The following OPCML variants were observed in gnomAD, a reference collection of about 807,000 sequenced individuals.
OPCML encodes the protein opioid binding protein/cell adhesion molecule like.
A neutral mutation model predicts 37.8 loss-of-function variants in OPCML; 13 were observed. The observed-to-expected ratio is 0.34, with a 90% CI of 0.22 to 0.55. The LOEUF (loss-of-function observed/expected upper bound fraction) is 0.55. Among genes scored for constraint, OPCML ranks in the 20% least tolerant of loss-of-function variants. OPCML has a pLI of 0.91. For synonymous variants in OPCML, 176 were observed against 168.8 expected, an observed-to-expected ratio of 1.04 and a Z score of -0.33; for missense variants, 341 against 435.6, an observed-to-expected ratio of 0.78 and a Z score of 1.93.
intron 1 of OPCML, among the ~76,000 whole-genome samples, chr11:133,372,018 G>A (rs1944685735): frequency 6.6e-6 from 1 of 152,112 alleles, no homozygotes; most frequent in Non-Finnish European, 1.5e-5. Context: ...CAGAGGCTGA[G>A]AAGGGTGTGG....
At chr11:132,769,602 C>T (rs150515217) in intron 2 of OPCML, among the ~76,000 whole-genome samples, 201 of 152,322 alleles carry the variant, frequency 1.3e-3, no homozygotes, top group Admixed American at 3.2e-3. Context: ...TCAAAGTAGA[C>T]GCTGCCTTTG....
rs546647217 is a variant in OPCML at position 132,530,778 on chromosome 11, C to T, written c.380-1592G>A. 1.2e-4 allele frequency among the ~76,000 whole-genome samples: 19 copies of T among 152,258 alleles called. No individual in the cohort carries two copies. In the South Asian group the frequency reaches 3.7e-3, roughly 30 times the overall value. Reference sequence around the variant, plus strand: ...CAAACCTCATCTCAGGCCCTGTTTCCTCTAACACAGTACATGGCACACACT... The same window carrying T: ...CAAACCTCATCTCAGGCCCTGTTTCTTCTAACACAGTACATGGCACACACT... On this transcript the variant is annotated intron_variant, in intron 3 of 7. Transcript: ENST00000524381.
In OPCML at chr11:132,451,237, C is replaced by A. The variant is rs183068145; in HGVS notation, c.506-13878G>T. 1.2e-3 allele frequency among the ~76,000 whole-genome samples: 187 copies of A among 152,286 alleles called. 1 individual carries two copies. The highest frequency in any genetic ancestry group is 4.1e-3 in the African/African-American group (172 of 41,560). On this transcript the variant is annotated intron_variant, in intron 4 of 7. Transcript: ENST00000524381. The stretch of plus-strand genomic sequence containing the variant: ...TATTACTGAGCTGAACATAATTTTT[C>A]TATCACCAGCAGATTGTAAATGGGG...
At chr11:133,226,161 G>C (rs1231592696) in intron 1 of OPCML, among the ~76,000 whole-genome samples, 1 of 152,232 alleles carries the variant, frequency 6.6e-6, no homozygotes, top group African/African-American at 2.4e-5. Flanking sequence ...TTTTCTTCCA[G>C]TGCTATGATT....
At chr11:132,799,801 T>C (rs544480567) in intron 2 of OPCML, among the ~76,000 whole-genome samples, 5 of 152,304 alleles carry the variant, frequency 3.3e-5, no homozygotes, top group African/African-American at 1.2e-4. Context: ...TCTGTTCTTA[T>C]GCCAGTATGA....
intron 2 of OPCML, among the ~76,000 whole-genome samples, chr11:132,681,883 A>G (rs1199730519): frequency 1.3e-5 from 2 of 151,620 alleles, no homozygotes; most frequent in Non-Finnish European, 2.9e-5. Context: ...TGAACCCGGG[A>G]GGTGGAGCTT....
intron 1 of OPCML, among the ~76,000 whole-genome samples, chr11:133,371,592 C>T (rs1944677523): frequency 6.6e-6 from 1 of 152,154 alleles, no homozygotes; most frequent in Non-Finnish European, 1.5e-5. Flanking sequence ...GTTTACCCTG[C>T]TCTCCTCTAT....
rs912413421 is a variant in OPCML, at chr11:133,109,714, C to T, written c.62-166704G>A. On this transcript the variant is annotated intron_variant, in intron 1 of 7. Coordinates refer to ENST00000524381, the MANE Select transcript of OPCML (RefSeq NM_001012393.5). ...TTGGGTAGTCTACCTGGTGACCTGA[C>T]CTCTTTGGCATTGCCTCAGGACTTA... Among the ~76,000 whole-genome samples, 3 of 152,162 alleles carry T rather than the reference C, an allele frequency of 2.0e-5. No individual in the cohort carries two copies. The East Asian group carries it at 5.8e-4, about 29-fold the overall frequency.
At chr11:132,972,688 G>A (rs893720014) in intron 1 of OPCML, among the ~76,000 whole-genome samples, 2 of 152,100 alleles carry the variant, frequency 1.3e-5, no homozygotes, top group African/African-American at 4.8e-5. Context: ...TATTGCCACA[G>A]TAGCAATGCG....
chr11:133,454,844 C>T lies in OPCML; in HGVS notation c.61+77420G>A, dbSNP rs542514269. On this transcript the variant is annotated intron_variant, in intron 1 of 7. Transcript: ENST00000524381. ...AAGGATGTATCACTTATCAACATTT[C>T]CTTTCTTGATACTATAAAAAAGGAC... Among the ~76,000 whole-genome samples the T allele has an allele frequency of 2.6e-5, 4 of 152,206 alleles. No individual in the cohort carries two copies. The South Asian group carries it at 8.3e-4, about 32-fold the overall frequency.
chr11:133,145,313 T>A (rs1949882276), intron 1 of OPCML, among the ~76,000 whole-genome samples: 1 of 152,170 alleles, frequency 6.6e-6, no homozygotes, highest in South Asian at 2.1e-4. Context: ...TGAAATTTAC[T>A]GAAGCTTTGC....
At chr11:133,083,136 A>ACACACACG (rs1387989301) in intron 1 of OPCML, among the ~76,000 whole-genome samples, 1 of 147,728 alleles carries the variant, frequency 6.8e-6, no homozygotes, top group African/African-American at 2.5e-5. Context: ...CACACCACGC[A>ACACACACG]CACACACGCA....
intron 2 of OPCML, among the ~76,000 whole-genome samples, chr11:132,721,153 A>G (rs1944660144): frequency 1.3e-5 from 2 of 152,184 alleles, no homozygotes; most frequent in African/African-American, 2.4e-5. Context: ...GTGTTTATTC[A>G]ATGCTGGAGA....
At chr11:133,164,863 G>A (rs1158060982) in intron 1 of OPCML, among the ~76,000 whole-genome samples, 1 of 152,170 alleles carries the variant, frequency 6.6e-6, no homozygotes, top group African/African-American at 2.4e-5. Context: ...AAACCAAACT[G>A]CATCCTCTGG....
intron 4 of OPCML, among the ~76,000 whole-genome samples, chr11:132,466,357 G>C (rs926868337): frequency 6.6e-5 from 10 of 150,950 alleles, no homozygotes; most frequent in African/African-American, 1.7e-4. Context: ...GGTGGCGGGC[G>C]CCTGTAGTCC....
intron 2 of OPCML, among the ~76,000 whole-genome samples, chr11:132,823,269 G>A (rs1291078535): frequency 6.6e-6 from 1 of 152,010 alleles, no homozygotes; most frequent in Non-Finnish European, 1.5e-5. Flanking sequence ...CTTCCCAGTA[G>A]AACCTCATTT....
At chr11:132,981,022 G>A (rs1240674573) in intron 1 of OPCML, among the ~76,000 whole-genome samples, 1 of 152,208 alleles carries the variant, frequency 6.6e-6, no homozygotes, top group Non-Finnish European at 1.5e-5. Context: ...GCAGGCAGGT[G>A]TAATACAATG....
chr11:132,538,141 A>G (rs1348414503), intron 3 of OPCML, among the ~76,000 whole-genome samples: 1 of 152,248 alleles, frequency 6.6e-6, no homozygotes, highest in East Asian at 1.9e-4. Context: ...CATAATAGAC[A>G]AAATTTTAAA....
chr11:132,688,415 C>A (rs116347841), intron 2 of OPCML, among the ~76,000 whole-genome samples: 1 of 152,060 alleles, frequency 6.6e-6, no homozygotes, highest in Non-Finnish European at 1.5e-5. Context: ...TTGAGTGTGA[C>A]CTTGGGAAAT....
Sources: allele counts gnomAD v4.1 joint callset (sites outside exome capture counted in the v4.1 genomes callset), GRCh38; gene constraint gnomAD v4.1.1; transcripts MANE v1.5; gene names NCBI Gene and HGNC (gene_info 2026-07-23, HGNC 2026-07-21).